Variants in DENND5B observed in about 807,000 individuals in gnomAD.
DENND5B encodes DENN domain containing 5B.
A neutral mutation model predicts 140.6 loss-of-function variants in DENND5B; 34 were observed. The observed-to-expected ratio is 0.24, with a 90% confidence interval of 0.18 to 0.32. The LOEUF is 0.32. DENND5B is among the 10% of genes least tolerant of loss of function. DENND5B has a pLI of 1.00. For missense variants in DENND5B, 1,142 were observed against 1,560.2 expected, an observed-to-expected ratio of 0.73 and a Z score of 4.52; for synonymous variants, 551 against 562.1, an observed-to-expected ratio of 0.98 and a Z score of 0.28.
At chr12:31,447,893 A>G (rs1292189273) in intron 5 of DENND5B, 124 bp from the exon 6 acceptor site, 4 of 745,476 alleles carry the variant, frequency 5.4e-6, no homozygotes, top group Admixed American at 3.0e-5. Context: ...GACACTTGAA[A>G]TTCAAAAATC....
chr12:31,388,037 G>T (rs895491764), intron 20 of DENND5B, among the ~76,000 whole-genome samples: 5 of 152,086 alleles, frequency 3.3e-5, no homozygotes, highest in African/African-American at 4.8e-5. Flanking sequence ...TGTACTTTAA[G>T]AGTTTAAAGT....
chr12:31,568,886 A>G, intron 1 of DENND5B, among the ~76,000 whole-genome samples: 1 of 151,890 alleles, frequency 6.6e-6, no homozygotes, highest in Non-Finnish European at 1.5e-5. Flanking sequence ...ATCTCCCACC[A>G]CTTCATAAAA....
intron 14 of DENND5B, among the ~76,000 whole-genome samples, chr12:31,406,505 T>A (rs1437913499): frequency 6.6e-6 from 1 of 151,912 alleles, no homozygotes; most frequent in Admixed American, 6.6e-5. Context: ...ATCAAATGGG[T>A]TTTGAAACTG....
chr12:31,446,457 A>T (rs533758981), intron 6 of DENND5B, among the ~76,000 whole-genome samples: 16 of 152,304 alleles, frequency 1.1e-4, no homozygotes, highest in African/African-American at 3.6e-4. Context: ...CCTGAGTCAG[A>T]TTTAATTTCA....
chr12:31,550,049 TTTTC>T (rs1565685974), intron 1 of DENND5B, among the ~76,000 whole-genome samples: 3 of 151,712 alleles, frequency 2.0e-5, no homozygotes, highest in African/African-American at 4.8e-5. Flanking sequence ...GCCATTCTTT[TTTTC>T]TTTTTTTTTT....
At chr12:31,403,087 G>C (rs1941897059) in intron 14 of DENND5B, among the ~76,000 whole-genome samples, 1 of 152,092 alleles carries the variant, frequency 6.6e-6, no homozygotes, top group African/African-American at 2.4e-5. Flanking sequence ...TGACTTCTTG[G>C]ACAGTATTGA....
At chr12:31,579,950 T>C (rs1240366676) in intron 1 of DENND5B, among the ~76,000 whole-genome samples, 2 of 150,018 alleles carry the variant, frequency 1.3e-5, no homozygotes, top group African/African-American at 4.9e-5. Flanking sequence ...AATAGGAGAG[T>C]ATAAACAGAA....
rs1328070379 is a variant in DENND5B, at chr12:31,479,764, C to A, written c.729G>T (p.Arg243Ser). The change falls in exon 3 of 21, where the codon AGG becomes AGT. Residue 243 changes from arginine (R) to serine (S), a missense_variant. Arg to Ser is a moderately radical substitution (Grantham distance 110). Around this residue, in one of 5 missense-constraint regions of DENND5B, gnomAD observed 708 missense variants for 905.5 expected, o/e 0.78. Transcript: ENST00000389082. ...CATAAACACCATAAAATTTCAGTGA[C>A]CTCCCTGGAGGTGGAAGGGGTACTT... Reference protein sequence around the residue: ...LYEVPLPPPGRSLKFYGVYEP... With the variant: ...LYEVPLPPPGSSLKFYGVYEP... 1.9e-6 allele frequency: 3 copies of A among 1,607,072 alleles called. No individual in the cohort carries two copies. Among genetic ancestry groups the A allele is most frequent in the Non-Finnish European group, 8.5e-7 (1 of 1,176,678 alleles).
intron 15 of DENND5B, among the ~76,000 whole-genome samples, chr12:31,401,628 G>GTTTGT (rs547982535): frequency 6.6e-6 from 1 of 152,048 alleles, no homozygotes; most frequent in Non-Finnish European, 1.5e-5. Flanking sequence ...AAAGGTGGCT[G>GTTTGT]TTTGTTTTGT....
At chr12:31,532,714 G>A (rs1565670687) in intron 1 of DENND5B, among the ~76,000 whole-genome samples, 1 of 152,202 alleles carries the variant, frequency 6.6e-6, no homozygotes, top group Non-Finnish European at 1.5e-5. Flanking sequence ...GAAAAATAAA[G>A]TATTCAGAAC....
At position 31,413,627 on chromosome 12, in the gene DENND5B, T is replaced by A. The variant is rs531559076; in HGVS notation, c.2553-63A>T. 173 of 1,556,952 alleles carry A rather than the reference T, an allele frequency of 1.1e-4. 1 individual carries two copies. The African/African-American group carries it at 2.1e-3, about 18-fold the overall frequency. On this transcript the variant is annotated intron_variant, in intron 12 of 20. Transcript: ENST00000389082. ...AGGATAACCCTGACTAGAAAAGAAG[T>A]AAAGAGTGAACAGTACTGGGCACAG...
chr12:31,577,412 A>G (rs1193451781), intron 1 of DENND5B, among the ~76,000 whole-genome samples: 1 of 152,178 alleles, frequency 6.6e-6, no homozygotes, highest in Non-Finnish European at 1.5e-5. Context: ...AAATATTTAA[A>G]CTTAAAAATA....
At chr12:31,586,201 T>A (rs1345013825) in intron 1 of DENND5B, among the ~76,000 whole-genome samples, 2 of 152,234 alleles carry the variant, frequency 1.3e-5, no homozygotes, top group Non-Finnish European at 2.9e-5. Flanking sequence ...AAATGATGTC[T>A]GCCTTCCCTG....
chr12:31,525,052 A>G (rs556918100), intron 1 of DENND5B, among the ~76,000 whole-genome samples: 1 of 152,366 alleles, frequency 6.6e-6, no homozygotes, highest in South Asian at 2.1e-4. Flanking sequence ...ACCCACTTGC[A>G]TGACCAAAAT....
At chr12:31,485,544 T>A (rs1946266917) in intron 2 of DENND5B, among the ~76,000 whole-genome samples, 1 of 152,262 alleles carries the variant, frequency 6.6e-6, no homozygotes, top group African/African-American at 2.4e-5. Context: ...ATTACTTTTG[T>A]ACCAACCTTT....
At chr12:31,544,580 C>G (rs1200397176) in intron 1 of DENND5B, among the ~76,000 whole-genome samples, 2 of 152,098 alleles carry the variant, frequency 1.3e-5, no homozygotes, top group Admixed American at 6.6e-5. Context: ...CCACCATGCC[C>G]AGCCAATAAC....
At chr12:31,557,418 AC>A (rs1482701924) in intron 1 of DENND5B, among the ~76,000 whole-genome samples, 3 of 151,984 alleles carry the variant, frequency 2.0e-5, no homozygotes, top group African/African-American at 7.2e-5. Flanking sequence ...TCGCTCTGTC[AC>A]CCAGGCTGGA....
chr12:31,402,727 T>C, intron 14 of DENND5B, 84 bp from the exon 15 acceptor site: 1 of 1,445,708 alleles, frequency 6.9e-7, no homozygotes, highest in Non-Finnish European at 9.2e-7. Context: ...CTCTTGTTGG[T>C]TTTCATTGAT....
chr12:31,499,677 T>A (rs1340921414), intron 1 of DENND5B: 16 of 1,465,554 alleles, frequency 1.1e-5, no homozygotes, highest in Non-Finnish European at 1.4e-5. Flanking sequence ...CAAAACTACA[T>A]AATGTAACAG....
Sources: gnomAD v4.1 joint callset for allele counts (sites outside exome capture counted in the v4.1 genomes callset) on GRCh38, gnomAD v4.1.1 for gene constraint, gnomAD v4.1.1 regional missense constraint, MANE v1.5 for transcripts, NCBI Gene and HGNC (gene_info 2026-07-23, HGNC 2026-07-21) for gene names.